CEP112: variants seen among roughly 807,000 people sequenced by gnomAD.
The protein encoded by CEP112 is centrosomal protein 112.
In CEP112, 127 loss-of-function variants were observed where a neutral mutation model predicts 153.0. The ratio of observed to expected loss-of-function variants is 0.83; its 90% CI spans 0.72 to 0.96. CEP112 has a LOEUF of 0.96. Among genes scored for constraint, CEP112 ranks in the 40% least tolerant of loss-of-function variants. CEP112 has a pLI of 0.00. For missense variants in CEP112, 1,089 were observed against 1,101.2 expected (o/e 0.99, Z 0.16); for synonymous variants, 358 against 374.4 (o/e 0.96, Z 0.51).
chr17:65,656,067 G>A (rs2046047335), intron 24 of CEP112, among the ~76,000 whole-genome samples: 1 of 152,162 alleles, frequency 6.6e-6, no homozygotes. Flanking sequence ...CAAGGGTCAG[G>A]GGTAGAGTAT....
At chr17:66,007,844 T>A (rs1485157242) in intron 16 of CEP112, among the ~76,000 whole-genome samples, 4 of 152,204 alleles carry the variant, frequency 2.6e-5, no homozygotes, top group African/African-American at 9.6e-5. Context: ...CTTTAATCGT[T>A]CTTTCTTAGT....
At position 66,024,958 on chromosome 17, in the gene CEP112, G is replaced by A. The variant is rs150921609; in HGVS notation, c.1656+2543C>T. 3.7e-3 allele frequency among the ~76,000 whole-genome samples: 570 copies of A among 152,108 alleles called. 2 individuals are homozygous for A. The highest frequency in any genetic ancestry group is 5.5e-3 in the Non-Finnish European group (375 of 67,880). On this transcript the variant is annotated intron_variant, in intron 16 of 26. Transcript: ENST00000535342. The stretch of plus-strand genomic sequence containing the variant: ...GGCATAAAAATAGATCAGTAGAACA[G>A]AATACAGAACCCAGAAACACCACCA...
At chr17:65,991,146 T>G (rs2063579698) in intron 17 of CEP112, among the ~76,000 whole-genome samples, 1 of 152,184 alleles carries the variant, frequency 6.6e-6, no homozygotes, top group South Asian at 2.1e-4. Flanking sequence ...AGAACTTGAG[T>G]GGCCACGACA....
intron 17 of CEP112, among the ~76,000 whole-genome samples, chr17:65,976,578 C>T (rs1163565264): frequency 1.3e-5 from 2 of 151,856 alleles, no homozygotes; most frequent in Non-Finnish European, 2.9e-5. Flanking sequence ...CTAATTCAGA[C>T]TTTGTTAGTA....
intron 17 of CEP112, among the ~76,000 whole-genome samples, chr17:65,964,636 G>A (rs1599165993): frequency 6.6e-6 from 1 of 152,176 alleles, no homozygotes; most frequent in Admixed American, 6.5e-5. Flanking sequence ...GGAAGGGGCT[G>A]CCTGGAATGT....
intron 4 of CEP112, among the ~76,000 whole-genome samples, chr17:66,138,316 G>A (rs2070531541): frequency 6.6e-6 from 1 of 152,186 alleles, no homozygotes. Flanking sequence ...ACATTGTCTA[G>A]ATGCAGTGAT....
intron 21 of CEP112, among the ~76,000 whole-genome samples, chr17:65,789,992 A>C (rs1448369074): frequency 9.9e-5 from 15 of 152,154 alleles, no homozygotes; most frequent in Non-Finnish European, 1.6e-4. Flanking sequence ...GGAAGGGAGT[A>C]GCAGCTGAAA....
At chr17:65,679,956 T>C (rs1020360356) in intron 24 of CEP112, among the ~76,000 whole-genome samples, 1 of 152,226 alleles carries the variant, frequency 6.6e-6, no homozygotes, top group African/African-American at 2.4e-5. Context: ...GGACCAAGTT[T>C]TATTCTTTAA....
At chr17:66,089,047 C>T (rs916358386) in intron 8 of CEP112, among the ~76,000 whole-genome samples, 4 of 152,154 alleles carry the variant, frequency 2.6e-5, no homozygotes, top group Non-Finnish European at 5.9e-5. Flanking sequence ...ACACATCTAC[C>T]CAGTGGATCC....
intron 3 of CEP112, among the ~76,000 whole-genome samples, chr17:66,176,468 G>A (rs1043511316): frequency 5.3e-5 from 8 of 151,970 alleles, no homozygotes; most frequent in African/African-American, 1.2e-4. Flanking sequence ...TCTCATAAAC[G>A]TTTAAATAAT....
At chr17:65,791,533 C>T (rs1290757525) in intron 21 of CEP112, among the ~76,000 whole-genome samples, 1 of 152,116 alleles carries the variant, frequency 6.6e-6, no homozygotes, top group Non-Finnish European at 1.5e-5. Context: ...TTCTGCTAAC[C>T]ACTTCTGCCA....
chr17:66,044,121 T>C (rs1277128780), intron 12 of CEP112, among the ~76,000 whole-genome samples: 1 of 152,162 alleles, frequency 6.6e-6, no homozygotes, highest in African/African-American at 2.4e-5. Context: ...ATGAAAGTTC[T>C]CTGACAGGTA....
chr17:66,087,151 A>G (rs1392762453), intron 8 of CEP112, among the ~76,000 whole-genome samples: 1 of 152,230 alleles, frequency 6.6e-6, no homozygotes, highest in Admixed American at 6.5e-5. Context: ...AAAGAAAAAC[A>G]GAAACATAAG....
intron 6 of CEP112, among the ~76,000 whole-genome samples, chr17:66,101,794 A>C: frequency 6.6e-6 from 1 of 152,102 alleles, no homozygotes; most frequent in Non-Finnish European, 1.5e-5. Flanking sequence ...CTTTTTAAAT[A>C]ATGTTAATTC....
intron 8 of CEP112, among the ~76,000 whole-genome samples, chr17:66,095,371 C>T (rs2068300010): frequency 1.3e-5 from 2 of 152,040 alleles, no homozygotes; most frequent in African/African-American, 4.8e-5. Context: ...TTTAGTACAA[C>T]ATGGATGAAC....
intron 4 of CEP112, among the ~76,000 whole-genome samples, chr17:66,155,867 A>G (rs2071417088): frequency 6.6e-6 from 1 of 152,202 alleles, no homozygotes; most frequent in South Asian, 2.1e-4. Context: ...CTCTGAAAGA[A>G]AGGCAGCAGC....
chr17:65,805,530 T>C (rs1388518630), intron 21 of CEP112, among the ~76,000 whole-genome samples: 1 of 152,226 alleles, frequency 6.6e-6, no homozygotes, highest in African/African-American at 2.4e-5. Context: ...TTGATGTCTT[T>C]AGCATTTTTC....
chr17:66,066,732 A>G (rs774295279), intron 10 of CEP112, 46 bp downstream of exon 10: 9 of 1,274,296 alleles, frequency 7.1e-6, no homozygotes, highest in Non-Finnish European at 9.5e-6. Flanking sequence ...TCACTAAAAT[A>G]AAATGGAAAT....
At chr17:65,714,717 C>G (rs1000482732) in intron 23 of CEP112, among the ~76,000 whole-genome samples, 1 of 152,122 alleles carries the variant, frequency 6.6e-6, no homozygotes, top group Non-Finnish European at 1.5e-5. Context: ...TGATGCAAGT[C>G]TGAAAAATTA....
Sources: allele counts gnomAD v4.1 joint callset (sites outside exome capture counted in the v4.1 genomes callset), GRCh38; gene constraint gnomAD v4.1.1; transcripts MANE v1.5; gene names NCBI Gene and HGNC (gene_info 2026-07-23, HGNC 2026-07-21).